PARD3B: variants seen among roughly 807,000 people sequenced by gnomAD.
The protein encoded by PARD3B is partitioning defective 3 homolog B.
In PARD3B, 103 loss-of-function variants were observed where a neutral mutation model predicts 130.2. The ratio of observed to expected loss-of-function variants is 0.79; its 90% CI spans 0.67 to 0.93. The LOEUF is 0.93. Ranked by LOEUF, PARD3B falls within the 40% of genes least tolerant of loss-of-function variation. PARD3B has a pLI of 0.00. For missense variants in PARD3B, 1,609 were observed against 1,499.2 expected, an observed-to-expected ratio of 1.07 and a Z score of -1.21; for synonymous variants, 583 against 553.2, an observed-to-expected ratio of 1.05 and a Z score of -0.76.
chr2:204,804,315 A>G (rs2042685744), intron 2 of PARD3B, among the ~76,000 whole-genome samples: 2 of 152,190 alleles, frequency 1.3e-5, no homozygotes, highest in Admixed American at 1.3e-4. Flanking sequence ...GAGATATTCC[A>G]TGCAAATTGA....
chr2:205,360,040 C>T (rs2044331747), intron 18 of PARD3B, among the ~76,000 whole-genome samples: 1 of 152,210 alleles, frequency 6.6e-6, no homozygotes, highest in Non-Finnish European at 1.5e-5. Context: ...CAAGCATTCT[C>T]ATTTCCCAAG....
chr2:204,984,455 A>G (rs1210331407), intron 3 of PARD3B, among the ~76,000 whole-genome samples: 3 of 152,170 alleles, frequency 2.0e-5, no homozygotes, highest in African/African-American at 7.2e-5. Flanking sequence ...ATGGAGTTTC[A>G]GATTTAGGCC....
intron 3 of PARD3B, among the ~76,000 whole-genome samples, chr2:205,012,971 A>G (rs1025713657): frequency 6.6e-6 from 1 of 152,224 alleles, no homozygotes; most frequent in Admixed American, 6.5e-5. Context: ...CTTATCTAGC[A>G]TAAGCAGAAG....
Position 205,351,841 on chromosome 2 carries a change from G to T in PARD3B, c.2631-49172G>T, listed in dbSNP as rs1306660819. On this transcript the variant is annotated intron_variant, in intron 18 of 22. Transcript: ENST00000406610. This position sits in a 1 kb window ranked among gnomAD's most constrained non-coding sequence, Gnocchi z 4.2. ...TTGGCTTCCAGAGACCAGAGACTTT[G>T]CTTAAAGAGGTACGTGACAGCTTCT... 6.6e-6 allele frequency among the ~76,000 whole-genome samples: 1 copy of T among 151,774 alleles called. No homozygotes were observed. The highest frequency in any genetic ancestry group is 2.4e-5 in the African/African-American group (1 of 41,318).
chr2:204,836,820 A>G (rs925159778), intron 2 of PARD3B, among the ~76,000 whole-genome samples: 1 of 152,136 alleles, frequency 6.6e-6, no homozygotes, highest in African/African-American at 2.4e-5. Context: ...TATTTCTGAG[A>G]GGTAGGATTG....
chr2:204,818,029 C>T (rs544795451), intron 2 of PARD3B, among the ~76,000 whole-genome samples: 19 of 152,198 alleles, frequency 1.2e-4, no homozygotes, highest in East Asian at 3.9e-4. Context: ...TAAAGGCATA[C>T]GCCCAAACTG....
At position 205,015,085 on chromosome 2, in the gene PARD3B, C is replaced by A. The variant is rs1696028601; in HGVS notation, c.395-32496C>A. Among the ~76,000 whole-genome samples, 1 of 152,084 alleles carries A rather than the reference C, an allele frequency of 6.6e-6. No homozygotes were observed. Among genetic ancestry groups the A allele is most frequent in the African/African-American group, 2.4e-5 (1 of 41,388 alleles). ...CCCCAAAAAACTTAACTACTAATAC[C>A]TATTGTTGACCAGAAGCCTTACCAA... is the stretch of plus-strand genomic sequence containing the variant. On this transcript the variant is annotated intron_variant, in intron 3 of 22. Transcript: ENST00000406610. This position sits in a 1 kb window ranked among gnomAD's most constrained non-coding sequence, Gnocchi z 4.5.
intron 1 of PARD3B, among the ~76,000 whole-genome samples, chr2:204,605,683 A>G (rs1191190414): frequency 6.6e-6 from 1 of 152,062 alleles, no homozygotes; most frequent in South Asian, 2.1e-4. Context: ...TGGGCAGTGC[A>G]CTCTATCTGC....
At chr2:205,318,205 A>G (rs559070316) in intron 18 of PARD3B, among the ~76,000 whole-genome samples, 7 of 152,276 alleles carry the variant, frequency 4.6e-5, no homozygotes, top group Middle Eastern at 6.8e-3. Flanking sequence ...TAGTCAATGT[A>G]TAGTAAAAAA....
At position 205,541,382 on chromosome 2, in the gene PARD3B, C is replaced by A. The variant is rs2052128550; in HGVS notation, c.3181-11942C>A. Among the ~76,000 whole-genome samples the A allele has an allele frequency of 2.2e-5, 3 of 138,632 alleles. No individual in the cohort carries two copies. In the South Asian group the frequency reaches 6.7e-4, roughly 31 times the overall value. 90.9% of individuals were successfully genotyped at this position (138,632 alleles called of 152,430 possible). A position where few individuals can be genotyped will look rare whatever the true frequency, so the allele number is the denominator to read the frequency against. On this transcript the variant is annotated intron_variant, in intron 21 of 22. Coordinates refer to ENST00000406610, the MANE Select transcript of PARD3B (RefSeq NM_001302769.2). Reference sequence around the variant, plus strand: ...TTTTTTTTTGAGACAGAGTTTCGCTCTTGTTGCCCAGGCTGGAATGCAATG... The same window carrying A: ...TTTTTTTTTGAGACAGAGTTTCGCTATTGTTGCCCAGGCTGGAATGCAATG...
intron 15 of PARD3B, among the ~76,000 whole-genome samples, chr2:205,233,957 A>G (rs1419789342): frequency 6.6e-6 from 1 of 152,220 alleles, no homozygotes; most frequent in East Asian, 1.9e-4. Context: ...CTGTAAGTCT[A>G]TATACTATTG....
chr2:205,072,237 G>A (rs959375555), intron 4 of PARD3B, among the ~76,000 whole-genome samples: 37 of 130,860 alleles, frequency 2.8e-4, no homozygotes, highest in African/African-American at 9.8e-4. Flanking sequence ...AATAATTCAG[G>A]TCCTTTTTTT....
At chr2:205,547,542 G>C (rs1340937478) in intron 21 of PARD3B, among the ~76,000 whole-genome samples, 1 of 152,150 alleles carries the variant, frequency 6.6e-6, no homozygotes, top group East Asian at 1.9e-4. Flanking sequence ...CTCCAGAACT[G>C]AGCTACTGGG....
chr2:205,087,608 A>G (rs1305837158), intron 4 of PARD3B, among the ~76,000 whole-genome samples: 2 of 152,178 alleles, frequency 1.3e-5, no homozygotes, highest in African/African-American at 4.8e-5. Flanking sequence ...AAATGAGAGT[A>G]ATGAATGCAA....
chr2:205,052,824 T>C (rs1398714601), intron 4 of PARD3B, among the ~76,000 whole-genome samples: 1 of 151,944 alleles, frequency 6.6e-6, no homozygotes, highest in African/African-American at 2.4e-5. Flanking sequence ...GGAATAGAAG[T>C]TTTTGCATTT....
chr2:205,028,056 C>T (rs1303448335), intron 3 of PARD3B, among the ~76,000 whole-genome samples: 1 of 151,890 alleles, frequency 6.6e-6, no homozygotes, highest in South Asian at 2.1e-4. Flanking sequence ...TATTTGGGGG[C>T]TTTTTGTGGT....
intron 2 of PARD3B, among the ~76,000 whole-genome samples, chr2:204,720,780 G>A (rs1030835834): frequency 1.3e-5 from 2 of 152,126 alleles, no homozygotes; most frequent in Non-Finnish European, 2.9e-5. Flanking sequence ...CCAAATAATA[G>A]TGGCTTCAAC....
chr2:204,836,935 A>G (rs949056183), intron 2 of PARD3B, among the ~76,000 whole-genome samples: 15 of 152,200 alleles, frequency 9.9e-5, no homozygotes, highest in African/African-American at 3.1e-4. Context: ...TACATGCTAT[A>G]TAGAACTAAA....
intron 22 of PARD3B, among the ~76,000 whole-genome samples, chr2:205,581,765 T>A (rs181028019): frequency 6.6e-6 from 1 of 152,028 alleles, no homozygotes; most frequent in Admixed American, 6.6e-5. Context: ...TCAAAATTTT[T>A]AAAAAGATAC....
Sources: gnomAD v4.1 joint callset for allele counts (sites outside exome capture counted in the v4.1 genomes callset) on GRCh38, gnomAD v4.1.1 for gene constraint, Gnocchi (gnomAD v3.1) non-coding constraint, MANE v1.5 for transcripts, NCBI Gene and HGNC (gene_info 2026-07-23, HGNC 2026-07-21) for gene names.